The following BEND7 variants were observed in gnomAD, a reference collection of about 807,000 sequenced individuals.
BEND7 encodes the protein BEN domain containing 7, also known as BEN domain-containing protein 7.
A neutral mutation model predicts 50.9 loss-of-function variants in BEND7; 28 were observed. That is an observed-to-expected ratio of 0.55 (90% CI 0.41 to 0.75). The LOEUF is 0.75. BEND7 is among the 30% of genes least tolerant of loss of function. The pLI is 0.00. For synonymous variants in BEND7, 170 were observed against 183.9 expected, an observed-to-expected ratio of 0.92 and a Z score of 0.61; for missense variants, 477 against 491.3, an observed-to-expected ratio of 0.97 and a Z score of 0.28.
At chr10:13,496,684 A>G in intron 4 of BEND7, 82 bp downstream of exon 4, 3 of 1,479,000 alleles carry the variant, frequency 2.0e-6, no homozygotes, top group Non-Finnish European at 2.7e-6. Flanking sequence ...GGCTTTAATA[A>G]AAGCACAATG....
Position 13,489,884 on chromosome 10 carries a change from A to T in BEND7, c.837+2727T>A, listed in dbSNP as rs539429284. Among the ~76,000 whole-genome samples the T allele has an allele frequency of 7.9e-5, 12 of 152,350 alleles. No homozygotes were observed. In the East Asian group the frequency reaches 2.3e-3, roughly 29 times the overall value. On this transcript the variant is annotated intron_variant, in intron 5 of 8. Coordinates refer to ENST00000466271, the MANE Select transcript of BEND7 (RefSeq NM_001369863.1). ...TATATTGTGCTTAATGCAAATGCAG[A>T]TGTTTCCTCCTTCGCAGATTAAACA...
chr10:13,474,451 T>C (rs2075251240), intron 6 of BEND7, among the ~76,000 whole-genome samples: 2 of 151,848 alleles, frequency 1.3e-5, no homozygotes, highest in South Asian at 4.2e-4. Context: ...TCATCACTGT[T>C]AGACTCGGGT....
chr10:13,467,265 A>T (rs1324634703), intron 6 of BEND7, among the ~76,000 whole-genome samples: 1 of 152,218 alleles, frequency 6.6e-6, no homozygotes, highest in Non-Finnish European at 1.5e-5. Flanking sequence ...GCTAGGACAA[A>T]GGCTAAAATA....
At chr10:13,471,542 A>G (rs2074835403) in intron 6 of BEND7, among the ~76,000 whole-genome samples, 1 of 152,262 alleles carries the variant, frequency 6.6e-6, no homozygotes, top group African/African-American at 2.4e-5. Context: ...AGTGATCCGT[A>G]AGTGAGATCT....
At chr10:13,439,752 C>A (rs985129312), downstream of BEND7, among the ~76,000 whole-genome samples, 1 of 152,174 alleles carries the variant, frequency 6.6e-6, no homozygotes, top group African/African-American at 2.4e-5. Context: ...TTCAGCCCGC[C>A]CCCTCCTGCG....
In BEND7 at chr10:13,508,386, T is replaced by C. The variant is rs187264772; in HGVS notation, c.146-8306A>G. 3.9e-3 allele frequency among the ~76,000 whole-genome samples: 593 copies of C among 152,322 alleles called. 3 individuals carry two copies. Among genetic ancestry groups the C allele is most frequent in the Non-Finnish European group, 6.3e-3 (427 of 68,026 alleles). ...CAATAAATAAAGAAGAGCAAAGCTCTGCTGAGGAGACTGCGCCAGAACCCG... is the reference window on the plus strand; with the variant it reads ...CAATAAATAAAGAAGAGCAAAGCTCCGCTGAGGAGACTGCGCCAGAACCCG... On this transcript the variant is annotated intron_variant, in intron 2 of 8. Transcript: ENST00000466271.
intron 6 of BEND7, among the ~76,000 whole-genome samples, chr10:13,463,695 G>C (rs1263023721): frequency 6.6e-6 from 1 of 152,086 alleles, no homozygotes; most frequent in East Asian, 1.9e-4. Context: ...TTTTAAAATG[G>C]GCACAAAAAG....
intron 2 of BEND7, among the ~76,000 whole-genome samples, chr10:13,525,845 T>G (rs184936049): frequency 6.6e-6 from 1 of 152,230 alleles, no homozygotes; most frequent in African/African-American, 2.4e-5. Context: ...GAATATGCAA[T>G]GTAAATGGGG....
At chr10:13,446,503 G>C (rs766748696) in intron 8 of BEND7, 1 of 152,176 alleles carries the variant, frequency 6.6e-6, no homozygotes, top group Non-Finnish European at 1.5e-5. Context: ...TGTGGGCAGA[G>C]AATCTTCAGA....
At chr10:13,505,227 A>C (rs7098377) in intron 2 of BEND7, among the ~76,000 whole-genome samples, 1 of 152,234 alleles carries the variant, frequency 6.6e-6, no homozygotes, top group Non-Finnish European at 1.5e-5. Context: ...TCCAGACATC[A>C]GCTTTATACA....
At chr10:13,450,129 G>A (rs551400384) in intron 7 of BEND7, among the ~76,000 whole-genome samples, 52 of 152,322 alleles carry the variant, frequency 3.4e-4, no homozygotes, top group African/African-American at 1.2e-3. Context: ...TGTGACGACA[G>A]CCCCAAATGA....
intron 6 of BEND7, among the ~76,000 whole-genome samples, chr10:13,465,421 A>C (rs2074133394): frequency 6.6e-6 from 1 of 152,342 alleles, no homozygotes; most frequent in Non-Finnish European, 1.5e-5. Context: ...CATGCGGGGC[A>C]GTCAGTCGTA....
chr10:13,477,837 T>C (rs1288158872), intron 6 of BEND7, among the ~76,000 whole-genome samples: 1 of 152,230 alleles, frequency 6.6e-6, no homozygotes, highest in Non-Finnish European at 1.5e-5. Context: ...TAAAAACCTA[T>C]GCCTCTTCAC....
chr10:13,458,452 G>C (rs1367103333), intron 6 of BEND7, among the ~76,000 whole-genome samples: 1 of 152,242 alleles, frequency 6.6e-6, no homozygotes, highest in Non-Finnish European at 1.5e-5. Flanking sequence ...CATGGACTTT[G>C]AAAGGAAGTC....
intron 7 of BEND7, among the ~76,000 whole-genome samples, chr10:13,450,933 G>A (rs907209164): frequency 3.9e-5 from 6 of 152,138 alleles, no homozygotes; most frequent in African/African-American, 1.4e-4. Context: ...AAAGAGAAGA[G>A]GGATGTGGCG....
Position 13,447,312 on chromosome 10 carries a change from G to T in BEND7, c.1188C>A (p.Ile396=). The T allele has an allele frequency of 6.2e-7, 1 of 1,614,050 alleles. No homozygotes were observed. Among genetic ancestry groups the T allele is most frequent in the Non-Finnish European group, 8.5e-7 (1 of 1,179,986 alleles). The change falls in exon 8 of 9, where the codon ATC becomes ATA. Residue 396 remains isoleucine (I), a synonymous_variant. Transcript: ENST00000466271. ...CGTCCAGTCTTTCATCACTGTCCGC[G>T]ATCTCTGCTGGTTACAAACATAAGA... ...ARRRLKRGSE[I]ADSDERLDGI...
chr10:13,520,865 T>C (rs1166629351), intron 2 of BEND7, among the ~76,000 whole-genome samples: 1 of 152,204 alleles, frequency 6.6e-6, no homozygotes, highest in Admixed American at 6.5e-5. Flanking sequence ...AACGACCAAG[T>C]TCTGCATCCA....
intron 2 of BEND7, among the ~76,000 whole-genome samples, chr10:13,505,816 C>A (rs1166532450): frequency 6.6e-6 from 1 of 152,132 alleles, no homozygotes; most frequent in Admixed American, 6.5e-5. Flanking sequence ...GTAACAGTCA[C>A]CCTGTCTGTG....
At chr10:13,489,342 T>C (rs2076481068) in intron 5 of BEND7, among the ~76,000 whole-genome samples, 1 of 152,174 alleles carries the variant, frequency 6.6e-6, no homozygotes, top group Admixed American at 6.5e-5. Context: ...TTCTTTCATA[T>C]GATAATCATC....
Sources: allele counts gnomAD v4.1 joint callset (sites outside exome capture counted in the v4.1 genomes callset), GRCh38; gene constraint gnomAD v4.1.1; transcripts MANE v1.5; gene names NCBI Gene and HGNC (gene_info 2026-07-23, HGNC 2026-07-21).